RGS6: variants seen among roughly 807,000 people sequenced by gnomAD.
RGS6 encodes regulator of G protein signaling 6.
A neutral mutation model predicts 78.5 loss-of-function variants in RGS6; 30 were observed. The ratio of observed to expected loss-of-function variants is 0.38; its 90% CI spans 0.29 to 0.52. The LOEUF is 0.52. Among genes scored for constraint, RGS6 ranks in the 20% least tolerant of loss-of-function variants. The pLI is 0.85. For missense variants in RGS6, 495 were observed against 609.7 expected, an observed-to-expected ratio of 0.81 and a Z score of 1.98; for synonymous variants, 206 against 206.0, an observed-to-expected ratio of 1.00 and a Z score of 0.00.
At chr14:72,580,313 C>CG in the RGS6 span, among the ~76,000 whole-genome samples, 93 of 145,782 alleles carry the variant, frequency 6.4e-4, 4 homozygotes, top group African/African-American at 2.4e-3. Flanking sequence ...AATGTCCCCC[C>CG]CACCCCGACC....
chr14:72,124,803 T>A (rs1378943898), intron 2 of RGS6, among the ~76,000 whole-genome samples: 1 of 152,172 alleles, frequency 6.6e-6, no homozygotes, highest in African/African-American at 2.4e-5. Context: ...AACAGTTCAG[T>A]GACAACAGTG....
chr14:72,011,885 GT>G (rs1383025413), intron 2 of RGS6, among the ~76,000 whole-genome samples: 1 of 152,136 alleles, frequency 6.6e-6, no homozygotes, highest in Non-Finnish European at 1.5e-5. Context: ...CTCAGGGTTT[GT>G]GGATGATAGT....
chr14:72,070,161 T>G (rs1248351738), intron 2 of RGS6, among the ~76,000 whole-genome samples: 1 of 151,984 alleles, frequency 6.6e-6, no homozygotes, highest in African/African-American at 2.4e-5. Flanking sequence ...TCTCTCTCTG[T>G]GTGTGTGTGT....
At chr14:72,046,763 C>A (rs1303133377) in intron 2 of RGS6, among the ~76,000 whole-genome samples, 1 of 152,096 alleles carries the variant, frequency 6.6e-6, no homozygotes, top group Non-Finnish European at 1.5e-5. Flanking sequence ...ATTATAACTT[C>A]AGAATTTTCT....
At chr14:72,610,750 G>A in the RGS6 span, among the ~76,000 whole-genome samples, 1 of 152,174 alleles carries the variant, frequency 6.6e-6, no homozygotes, top group African/African-American at 2.4e-5. Flanking sequence ...CTCAGCCACT[G>A]GCTCTTGGGC....
intron 2 of RGS6, among the ~76,000 whole-genome samples, chr14:72,157,584 A>G (rs915312301): frequency 2.6e-5 from 4 of 152,220 alleles, no homozygotes; most frequent in South Asian, 2.1e-4. Flanking sequence ...TCTCTGGCTT[A>G]TAAATTACAA....
intron 3 of RGS6, among the ~76,000 whole-genome samples, chr14:72,397,769 G>A (rs1194954309): frequency 6.6e-6 from 1 of 152,154 alleles, no homozygotes; most frequent in Admixed American, 6.5e-5. Context: ...AAGCGTTGTT[G>A]AATTTTGTCA....
Position 72,471,503 on chromosome 14 carries a change from C to T in RGS6, c.537-1369C>T, listed in dbSNP as rs571960550. 2.6e-5 allele frequency among the ~76,000 whole-genome samples: 4 copies of T among 152,324 alleles called. No individual in the cohort carries two copies. The East Asian group carries it at 5.8e-4, about 22-fold the overall frequency. The stretch of plus-strand genomic sequence containing the variant: ...TGGGTACCACCTGCATGTGAGCAGC[C>T]GCTGAGTCTTCAGAGCAACATTCCT... On this transcript the variant is annotated intron_variant, in intron 8 of 17. Coordinates refer to ENST00000553525, the MANE Select transcript of RGS6 (RefSeq NM_001204424.2).
intron 2 of RGS6, chr14:72,022,284 C>G (rs10150490): frequency 0.83 from 125,696 of 152,208 alleles, 52,011 homozygotes; most frequent in South Asian, 0.89. Context: ...ATTCCTCTGG[C>G]TGTATACCCA....
chr14:72,229,983 C>G (rs1305360383), intron 2 of RGS6, among the ~76,000 whole-genome samples: 1 of 152,204 alleles, frequency 6.6e-6, no homozygotes, highest in Non-Finnish European at 1.5e-5. Flanking sequence ...TCCTGTGGGC[C>G]AATCACTTGT....
chr14:72,150,901 G>T (rs2096675686), intron 2 of RGS6, among the ~76,000 whole-genome samples: 1 of 152,156 alleles, frequency 6.6e-6, no homozygotes, highest in Non-Finnish European at 1.5e-5. Flanking sequence ...GTGTTGGTTT[G>T]CCAGATGCCA....
chr14:72,274,388 C>G (rs986608594), intron 2 of RGS6, among the ~76,000 whole-genome samples: 2 of 152,174 alleles, frequency 1.3e-5, no homozygotes, highest in Admixed American at 1.3e-4. Context: ...ATCAGGTCAT[C>G]AGTGACATGA....
the RGS6 span, among the ~76,000 whole-genome samples, chr14:71,903,488 C>G: frequency 6.6e-6 from 1 of 152,208 alleles, no homozygotes; most frequent in Admixed American, 6.5e-5. Context: ...TGTCTCATAT[C>G]CAGTTTGCTG....
At chr14:72,085,363 A>G (rs965814144) in intron 2 of RGS6, among the ~76,000 whole-genome samples, 1 of 152,240 alleles carries the variant, frequency 6.6e-6, no homozygotes, top group East Asian at 1.9e-4. Context: ...AGTGTCCCTC[A>G]GTATTAAGTG....
chr14:72,189,090 T>G (rs1459383441), intron 2 of RGS6, among the ~76,000 whole-genome samples: 1 of 152,184 alleles, frequency 6.6e-6, no homozygotes, highest in Admixed American at 6.5e-5. Context: ...GTGTTAGACC[T>G]TGTGGGCCAT....
At chr14:72,482,735 C>A (rs2096406384) in intron 12 of RGS6, among the ~76,000 whole-genome samples, 1 of 152,154 alleles carries the variant, frequency 6.6e-6, no homozygotes, top group South Asian at 2.1e-4. Flanking sequence ...AGAACAGAAG[C>A]ATGCAAAACT....
the RGS6 span, among the ~76,000 whole-genome samples, chr14:72,629,923 G>A: frequency 6.6e-6 from 1 of 152,126 alleles, no homozygotes; most frequent in Non-Finnish European, 1.5e-5. Context: ...CAGATCAAGG[G>A]CAAAACAGAG....
intron 2 of RGS6, among the ~76,000 whole-genome samples, chr14:72,296,816 G>A (rs1323524305): frequency 6.6e-6 from 1 of 152,032 alleles, no homozygotes; most frequent in Admixed American, 6.6e-5. Context: ...TTTCTCTTAT[G>A]GTTATTGCGT....
intron 3 of RGS6, among the ~76,000 whole-genome samples, chr14:72,413,484 C>G (rs1402826435): frequency 6.6e-6 from 1 of 152,164 alleles, no homozygotes; most frequent in Non-Finnish European, 1.5e-5. Context: ...GATGGGTTTC[C>G]TGAATACAGC....
Sources: allele counts gnomAD v4.1 joint callset (sites outside exome capture counted in the v4.1 genomes callset), GRCh38; gene constraint gnomAD v4.1.1; transcripts MANE v1.5; gene names NCBI Gene and HGNC (gene_info 2026-07-23, HGNC 2026-07-21).